PCDH9: variants seen among roughly 807,000 people sequenced by gnomAD.
The protein encoded by PCDH9 is protocadherin-9.
A neutral mutation model predicts 70.6 loss-of-function variants in PCDH9; 24 were observed. The ratio of observed to expected loss-of-function variants is 0.34; its 90% CI spans 0.25 to 0.48. PCDH9 has a LOEUF of 0.48. Ranked by LOEUF, PCDH9 falls within the 20% of genes least tolerant of loss-of-function variation. The pLI, the probability that PCDH9 is intolerant of heterozygous loss-of-function variation, is 0.99. For synonymous variants in PCDH9, 562 were observed against 558.5 expected (o/e 1.01, Z -0.09); for missense variants, 1,281 against 1,503.6 (o/e 0.85, Z 2.45).
rs1381261719 is a variant in PCDH9 at position 67,035,322 on chromosome 13, C to T, written c.3037-131717G>A. On this transcript the variant is annotated intron_variant, in intron 2 of 4. Coordinates refer to ENST00000377865, the MANE Select transcript of PCDH9 (RefSeq NM_203487.3). ...AGCTTTTATATGCATATAAATCACA[C>T]ATACATATACATACATATAATTGTA... 5.9e-5 allele frequency among the ~76,000 whole-genome samples: 9 copies of T among 152,096 alleles called. No homozygotes were observed. In the East Asian group the frequency reaches 1.4e-3, roughly 23 times the overall value.
chr13:66,949,455 C>A (rs77291965), intron 2 of PCDH9, among the ~76,000 whole-genome samples: 242 of 152,178 alleles, frequency 1.6e-3, no homozygotes, highest in African/African-American at 5.6e-3. Flanking sequence ...TGTGCAATTA[C>A]AGGAATCTTC....
chr13:66,911,652 C>A (rs1224562499), intron 2 of PCDH9, among the ~76,000 whole-genome samples: 2 of 152,090 alleles, frequency 1.3e-5, no homozygotes, highest in African/African-American at 4.8e-5. Flanking sequence ...CCATTGGTTC[C>A]CTCCTTATAT....
intron 3 of PCDH9, among the ~76,000 whole-genome samples, chr13:66,804,127 C>A (rs980903163): frequency 6.6e-6 from 1 of 152,180 alleles, no homozygotes; most frequent in African/African-American, 2.4e-5. Flanking sequence ...ATTGAGAAGT[C>A]TTACTATTTA....
At chr13:67,114,229 T>TA (rs2086715766) in intron 2 of PCDH9, among the ~76,000 whole-genome samples, 1 of 152,198 alleles carries the variant, frequency 6.6e-6, no homozygotes, top group Non-Finnish European at 1.5e-5. Flanking sequence ...CATTTTTTCT[T>TA]AATTGTGAAA....
chr13:66,735,625 GT>G (rs1272371165), intron 3 of PCDH9, among the ~76,000 whole-genome samples: 1 of 152,118 alleles, frequency 6.6e-6, no homozygotes, highest in Non-Finnish European at 1.5e-5. Flanking sequence ...TCAGAGATAT[GT>G]CACTGTGTGA....
At chr13:67,117,008 C>T (rs1277654693) in intron 2 of PCDH9, among the ~76,000 whole-genome samples, 3 of 151,916 alleles carry the variant, frequency 2.0e-5, no homozygotes, top group Non-Finnish European at 4.4e-5. Context: ...AAGAAAGAAA[C>T]TTATGGAGTG....
At chr13:66,737,201 C>CTATT (rs2086008872) in intron 3 of PCDH9, among the ~76,000 whole-genome samples, 1 of 151,886 alleles carries the variant, frequency 6.6e-6, no homozygotes. Flanking sequence ...TATTTGTTCT[C>CTATT]TATTTCTATT....
At chr13:67,056,811 T>A (rs2085429228) in intron 2 of PCDH9, among the ~76,000 whole-genome samples, 1 of 152,108 alleles carries the variant, frequency 6.6e-6, no homozygotes, top group African/African-American at 2.4e-5. Flanking sequence ...ATCATGATCA[T>A]CATCCTGATC....
chr13:67,224,910 T>C, intron 2 of PCDH9: 1 of 988,462 alleles, frequency 1.0e-6, no homozygotes, highest in Non-Finnish European at 1.2e-6. Flanking sequence ...CATTTAATAT[T>C]CTACTATCCT....
At chr13:66,724,213 T>C (rs2078976938) in intron 3 of PCDH9, among the ~76,000 whole-genome samples, 1 of 152,234 alleles carries the variant, frequency 6.6e-6, no homozygotes, top group African/African-American at 2.4e-5. Context: ...ATTCATTTGA[T>C]TGTTGTTCAC....
intron 4 of PCDH9, among the ~76,000 whole-genome samples, chr13:66,536,287 T>C (rs977141900): frequency 7.2e-5 from 11 of 152,098 alleles, no homozygotes; most frequent in Non-Finnish European, 1.5e-4. Context: ...TTCTGATTCC[T>C]TGTCCAGTGC....
At chr13:66,414,955 A>G (rs1032456508) in intron 4 of PCDH9, among the ~76,000 whole-genome samples, 7 of 152,146 alleles carry the variant, frequency 4.6e-5, no homozygotes, top group Non-Finnish European at 8.8e-5. Flanking sequence ...AAAATAATGT[A>G]CTGTTAAAAT....
At chr13:67,043,681 T>A (rs2085166457) in intron 2 of PCDH9, among the ~76,000 whole-genome samples, 2 of 152,172 alleles carry the variant, frequency 1.3e-5, no homozygotes, top group South Asian at 4.1e-4. Flanking sequence ...TTGGCTCATT[T>A]AACAAGAATC....
intron 3 of PCDH9, among the ~76,000 whole-genome samples, chr13:66,867,635 A>G (rs2081600228): frequency 6.6e-6 from 1 of 152,126 alleles, no homozygotes; most frequent in Non-Finnish European, 1.5e-5. Context: ...AATACAACCA[A>G]AATGTATTAT....
intron 4 of PCDH9, among the ~76,000 whole-genome samples, chr13:66,397,049 G>A (rs1041327828): frequency 4.6e-5 from 7 of 152,124 alleles, no homozygotes; most frequent in African/African-American, 1.7e-4. Context: ...TATTGTGATT[G>A]AACTGATATA....
intron 2 of PCDH9, among the ~76,000 whole-genome samples, chr13:67,077,906 C>G (rs796399076): frequency 6.6e-6 from 1 of 152,052 alleles, no homozygotes; most frequent in East Asian, 1.9e-4. Context: ...AATGATAATT[C>G]TTTCTAAATG....
intron 4 of PCDH9, among the ~76,000 whole-genome samples, chr13:66,380,736 G>C (rs1220523252): frequency 6.6e-6 from 1 of 151,856 alleles, no homozygotes; most frequent in Non-Finnish European, 1.5e-5. Flanking sequence ...GTGGAGACGG[G>C]GTTTCACCGT....
intron 3 of PCDH9, among the ~76,000 whole-genome samples, chr13:66,753,751 C>G (rs1363167042): frequency 6.6e-6 from 1 of 152,110 alleles, no homozygotes; most frequent in African/African-American, 2.4e-5. Flanking sequence ...CTCAACACTG[C>G]TAAATCATTC....
chr13:66,631,873 C>G (rs560096633), intron 3 of PCDH9, among the ~76,000 whole-genome samples: 1 of 152,116 alleles, frequency 6.6e-6, no homozygotes, highest in Non-Finnish European at 1.5e-5. Flanking sequence ...ATATTTCCTA[C>G]AGTACCACCT....
Sources: allele counts gnomAD v4.1 joint callset (sites outside exome capture counted in the v4.1 genomes callset), GRCh38; gene constraint gnomAD v4.1.1; transcripts MANE v1.5; gene names NCBI Gene and HGNC (gene_info 2026-07-23, HGNC 2026-07-21).